GATB: variants seen among roughly 807,000 people sequenced by gnomAD.
GATB encodes the protein glutamyl-tRNA(Gln) amidotransferase subunit B, mitochondrial.
Under a neutral mutation model 62.3 loss-of-function variants are expected in GATB, and 39 were observed. The ratio of observed to expected loss-of-function variants is 0.63; its 90% CI spans 0.48 to 0.82. The LOEUF (loss-of-function observed/expected upper bound fraction) is 0.82. GATB is among the 40% of genes least tolerant of loss of function. The probability of loss-of-function intolerance (pLI) is 0.00; values close to 1 mark genes in which losing one functional copy is unlikely to be tolerated. For missense variants in GATB, 670 were observed against 684.0 expected (o/e 0.98, Z 0.23); for synonymous variants, 276 against 258.9 (o/e 1.07, Z -0.63).
At chr4:151,716,252 C>T in intron 4 of GATB, 121 bp from the exon 5 acceptor site, 3 of 891,364 alleles carry the variant, frequency 3.4e-6, no homozygotes, top group South Asian at 5.1e-5. Context: ...GTTCTAGCCT[C>T]TCAATCATTT....
Position 151,699,637 on chromosome 4 carries a change from G to A in GATB, c.1197+1692C>T, listed in dbSNP as rs535364363. ...TAAGGCAGGCACTGTCCCCATCACC[G>A]CTCATGAACGGCCGAGAGTGACAAT... On this transcript the variant is annotated intron_variant, in intron 9 of 12. Coordinates refer to ENST00000263985, the MANE Select transcript of GATB (RefSeq NM_004564.3). Among the ~76,000 whole-genome samples, 5 of 152,204 alleles carry A rather than the reference G, an allele frequency of 3.3e-5. No individual in the cohort carries two copies. The South Asian group carries it at 8.3e-4, about 25-fold the overall frequency.
intron 2 of GATB, chr4:151,722,462 A>G (rs1360737213): frequency 1.2e-5 from 6 of 489,446 alleles, no homozygotes; most frequent in East Asian, 1.1e-4. Context: ...AAGCTCTTAC[A>G]TGATCAAACT....
chr4:151,747,675 T>TAG (rs1276351329), intron 2 of GATB, among the ~76,000 whole-genome samples: 1 of 152,284 alleles, frequency 6.6e-6, no homozygotes, highest in African/African-American at 2.4e-5. Context: ...ACACAACAGA[T>TAG]TACTGACAAG....
intron 9 of GATB, among the ~76,000 whole-genome samples, chr4:151,700,812 G>A (rs1382094300): frequency 1.3e-5 from 2 of 152,194 alleles, no homozygotes; most frequent in Non-Finnish European, 2.9e-5. Flanking sequence ...CCCGTCAGAC[G>A]CAGCCTCAAG....
At position 151,688,685 on chromosome 4, in the gene GATB, C is replaced by A; in HGVS notation, c.1276G>T (p.Val426Phe). 6.2e-7 allele frequency: 1 copy of A among 1,613,410 alleles called. No homozygotes were observed. The highest frequency in any genetic ancestry group is 8.5e-7 in the Non-Finnish European group (1 of 1,179,818). Residue 426 changes from valine (V) to phenylalanine (F), a missense_variant, in exon 10 of 13, where the codon GTC becomes TTC. Physicochemically the swap from Val to Phe is conservative, Grantham distance 50 (BLOSUM62 -1). Transcript: ENST00000263985. Reference protein sequence around the residue: ...RAEPKKVTSWVLNTFLGYLKQ... With the variant: ...RAEPKKVTSWFLNTFLGYLKQ... Reference sequence around the variant, plus strand: ...AAATAGCCCAGAAAAGTGTTGAGGACCCAACTAGTCACCTTTTTTGGCTCT... The same window carrying A: ...AAATAGCCCAGAAAAGTGTTGAGGAACCAACTAGTCACCTTTTTTGGCTCT...
In GATB at chr4:151,692,283, C is replaced by T. The variant is rs1432922843; in HGVS notation, c.1198-3520G>A. Among the ~76,000 whole-genome samples, 5 of 152,212 alleles carry T rather than the reference C, an allele frequency of 3.3e-5. No individual in the cohort carries two copies. The East Asian group carries it at 9.6e-4, about 29-fold the overall frequency. On this transcript the variant is annotated intron_variant, in intron 9 of 12. Coordinates refer to ENST00000263985, the MANE Select transcript of GATB (RefSeq NM_004564.3). Reference sequence around the variant, plus strand: ...TTGTGCTTTTAACCTCTGTGTGGCACTGCCTTTGAGGAAGAAAAGGTCATG... The same window carrying T: ...TTGTGCTTTTAACCTCTGTGTGGCATTGCCTTTGAGGAAGAAAAGGTCATG...
intron 10 of GATB, among the ~76,000 whole-genome samples, chr4:151,685,874 C>T (rs575984300): frequency 2.1e-5 from 3 of 141,950 alleles, no homozygotes; most frequent in Admixed American, 7.0e-5. Context: ...ATGGTGAAAC[C>T]CTGTCTCTAC....
chr4:151,716,851 A>G, intron 4 of GATB, 25 bp downstream of exon 4: 7 of 1,609,404 alleles, frequency 4.3e-6, no homozygotes, highest in Non-Finnish European at 6.0e-6. Flanking sequence ...AGGAAGGAGA[A>G]ATAATGAAAA....
intron 5 of GATB, among the ~76,000 whole-genome samples, chr4:151,711,078 T>C (rs935214031): frequency 1.6e-4 from 25 of 152,216 alleles, no homozygotes; most frequent in African/African-American, 5.5e-4. Flanking sequence ...TCCCTGTCTC[T>C]TACCTTCCAC....
intron 9 of GATB, among the ~76,000 whole-genome samples, chr4:151,690,262 C>T (rs544518012): frequency 6.6e-6 from 1 of 152,332 alleles, no homozygotes; most frequent in East Asian, 1.9e-4. Flanking sequence ...TTCTTTGTAA[C>T]AGATAAATTC....
intron 9 of GATB, among the ~76,000 whole-genome samples, chr4:151,691,250 C>T (rs1560845194): frequency 6.6e-6 from 1 of 152,162 alleles, no homozygotes; most frequent in Non-Finnish European, 1.5e-5. Context: ...GATGAATCTA[C>T]CCTACATGCA....
chr4:151,673,915 C>G (rs1737940841), intron 11 of GATB: 1 of 152,272 alleles, frequency 6.6e-6, no homozygotes, highest in African/African-American at 2.4e-5. Context: ...CAGAGCTCTT[C>G]CATAATTAGC....
chr4:151,716,272 C>G (rs1038679753), intron 4 of GATB, 141 bp from the exon 5 acceptor site: 2 of 809,336 alleles, frequency 2.5e-6, no homozygotes, highest in African/African-American at 1.8e-5. Context: ...TCTCTTCCCT[C>G]CCACCTTTTT....
intron 2 of GATB, among the ~76,000 whole-genome samples, chr4:151,745,703 C>T (rs1739582056): frequency 6.6e-6 from 1 of 152,196 alleles, no homozygotes; most frequent in Admixed American, 6.5e-5. Flanking sequence ...CCTCTTCATT[C>T]CCCTTATTCT....
At chr4:151,755,507 C>T (rs1220781718) in intron 2 of GATB, among the ~76,000 whole-genome samples, 3 of 152,192 alleles carry the variant, frequency 2.0e-5, no homozygotes, top group East Asian at 1.9e-4. Flanking sequence ...AGAATTACTA[C>T]GTCAATAAAC....
At chr4:151,738,803 C>T (rs1739428245) in intron 2 of GATB, among the ~76,000 whole-genome samples, 1 of 152,172 alleles carries the variant, frequency 6.6e-6, no homozygotes, top group Admixed American at 6.5e-5. Context: ...TATGTTTTGT[C>T]GGAAATGAAC....
intron 9 of GATB, among the ~76,000 whole-genome samples, chr4:151,700,658 G>A (rs1020323443): frequency 6.6e-6 from 1 of 152,066 alleles, no homozygotes; most frequent in African/African-American, 2.4e-5. Flanking sequence ...AACAGACGAC[G>A]ACAACGGTGA....
intron 10 of GATB, among the ~76,000 whole-genome samples, chr4:151,680,109 C>G (rs1316802411): frequency 6.6e-6 from 1 of 152,024 alleles, no homozygotes; most frequent in African/African-American, 2.4e-5. Context: ...CTTTCTTTCA[C>G]CACCCAACAA....
chr4:151,725,209 T>G (rs1408212298), intron 2 of GATB, among the ~76,000 whole-genome samples: 1 of 152,208 alleles, frequency 6.6e-6, no homozygotes. Context: ...AAAGGCGAAA[T>G]ACCCTCTTGC....
Sources: gnomAD v4.1 joint callset for allele counts (sites outside exome capture counted in the v4.1 genomes callset) on GRCh38, gnomAD v4.1.1 for gene constraint, MANE v1.5 for transcripts, NCBI Gene and HGNC (gene_info 2026-07-23, HGNC 2026-07-21) for gene names.